S100Z: variants seen among roughly 807,000 people sequenced by gnomAD.
S100Z encodes protein S100-Z.
A neutral mutation model predicts 8.5 loss-of-function variants in S100Z; 11 were observed. That is an observed-to-expected ratio of 1.30 (90% CI 0.82 to 2.15). S100Z has a LOEUF of 2.15. S100Z is among the 30% of genes most tolerant of loss of function. The probability of loss-of-function intolerance (pLI) is 0.00; values close to 1 mark genes in which losing one functional copy is unlikely to be tolerated. For missense variants in S100Z, 126 were observed against 117.9 expected (o/e 1.07, Z -0.32); for synonymous variants, 34 against 43.8 (o/e 0.78, Z 0.89).
the S100Z span, among the ~76,000 whole-genome samples, chr5:76,949,127 G>A: frequency 4.6e-5 from 7 of 152,158 alleles, no homozygotes; most frequent in Non-Finnish European, 8.8e-5. Flanking sequence ...AGTGGCTCAC[G>A]CCTGTAATCC....
At chr5:76,902,517 A>G (rs1744263676) in intron 4 of S100Z, among the ~76,000 whole-genome samples, 1 of 152,132 alleles carries the variant, frequency 6.6e-6, no homozygotes. Context: ...AGCTATTTAG[A>G]ACTGTTTTAT....
At chr5:76,871,684 G>A (rs1468506702) in intron 2 of S100Z, among the ~76,000 whole-genome samples, 1 of 151,970 alleles carries the variant, frequency 6.6e-6, no homozygotes, top group East Asian at 1.9e-4. Flanking sequence ...CACCACACCC[G>A]GCTAATTTTT....
At chr5:76,945,441 G>A in the S100Z span, among the ~76,000 whole-genome samples, 3 of 152,192 alleles carry the variant, frequency 2.0e-5, no homozygotes, top group African/African-American at 7.2e-5. Context: ...GAAGGTCTCT[G>A]TCTCCTGCCT....
At chr5:76,872,231 C>T (rs1355208904) in intron 2 of S100Z, among the ~76,000 whole-genome samples, 1 of 151,540 alleles carries the variant, frequency 6.6e-6, no homozygotes, top group East Asian at 2.0e-4. Context: ...TGGGTGACAG[C>T]GGGAGACCCT....
the S100Z span, among the ~76,000 whole-genome samples, chr5:76,931,965 CT>C: frequency 6.6e-6 from 1 of 151,822 alleles, no homozygotes; most frequent in Non-Finnish European, 1.5e-5. Context: ...GTTATTTTAT[CT>C]TTTTTCATTG....
intron 4 of S100Z, among the ~76,000 whole-genome samples, chr5:76,898,245 G>A (rs1561243090): frequency 1.3e-5 from 2 of 152,000 alleles, no homozygotes; most frequent in East Asian, 1.9e-4. Flanking sequence ...CCACCTCCCG[G>A]GTTCAAGTGA....
chr5:76,861,702 A>G (rs142305649), intron 1 of S100Z, among the ~76,000 whole-genome samples: 47 of 152,324 alleles, frequency 3.1e-4, no homozygotes, highest in Non-Finnish European at 5.9e-5. Context: ...CTGGGAACAC[A>G]TTCTATGTGT....
At chr5:76,930,367 A>G in the S100Z span, among the ~76,000 whole-genome samples, 1 of 152,206 alleles carries the variant, frequency 6.6e-6, no homozygotes, top group African/African-American at 2.4e-5. Context: ...ACCAAAAAGA[A>G]AAACAGGTGC....
intron 1 of S100Z, among the ~76,000 whole-genome samples, chr5:76,861,561 A>AC (rs796764129): frequency 2.0e-5 from 3 of 151,774 alleles, no homozygotes; most frequent in African/African-American, 7.2e-5. Context: ...CTGGTCTCGA[A>AC]CTCCTGACCT....
intron 1 of S100Z, among the ~76,000 whole-genome samples, chr5:76,869,580 C>T (rs76209133): frequency 0.027 from 4,080 of 152,156 alleles, 176 homozygotes; most frequent in African/African-American, 0.092. Flanking sequence ...ATCAGCTTCT[C>T]TGACAGCAGA....
the S100Z span, among the ~76,000 whole-genome samples, chr5:76,928,069 A>C: frequency 1.3e-5 from 2 of 152,210 alleles, no homozygotes; most frequent in Admixed American, 1.3e-4. Flanking sequence ...AATACTTCCC[A>C]TGCCCTCACC....
At position 76,877,715 on chromosome 5, in the gene S100Z, C is replaced by G; in HGVS notation, c.183C>G (p.Asp61Glu). ...ETQLVDKIVQDLDANKDNEVD... is the reference protein window; with the variant it reads ...ETQLVDKIVQELDANKDNEVD... ...AGTTGGTTGATAAGATAGTGCAGGA[C>G]CTGGATGCCAATAAGGACAACGAAG... The change falls in exon 4 of 5, where the codon GAC (aspartate) becomes GAG (glutamate). Residue 61 changes from aspartate to glutamate, a missense_variant. Transcript: ENST00000317593. 2 of 1,612,006 alleles carry G rather than the reference C, an allele frequency of 1.2e-6. No individual in the cohort carries two copies. Among genetic ancestry groups the G allele is most frequent in the Non-Finnish European group, 1.7e-6 (2 of 1,178,174 alleles).
chr5:76,943,964 G>A, the S100Z span, among the ~76,000 whole-genome samples: 4 of 151,906 alleles, frequency 2.6e-5, no homozygotes, highest in Non-Finnish European at 4.4e-5. Context: ...ATTAATTTTT[G>A]TTTTATAACA....
chr5:76,858,522 C>CAA (rs33932900), intron 1 of S100Z, among the ~76,000 whole-genome samples: 1 of 131,680 alleles, frequency 7.6e-6, no homozygotes, highest in Non-Finnish European at 1.7e-5. Context: ...GACCCTGTCT[C>CAA]AAAAAAAAAA....
chr5:76,920,521 T>C (rs1444195860), intron 4 of S100Z, among the ~76,000 whole-genome samples, 196 bp from the exon 5 acceptor site: 1 of 152,244 alleles, frequency 6.6e-6, no homozygotes, highest in Admixed American at 6.5e-5. Context: ...CCTGCCCACC[T>C]TCCACAAGAA....
the S100Z span, among the ~76,000 whole-genome samples, chr5:76,939,795 G>C: frequency 6.6e-6 from 1 of 152,050 alleles, no homozygotes; most frequent in Middle Eastern, 3.4e-3. Context: ...TTACAGGTGC[G>C]AGCCGCCACG....
intron 4 of S100Z, among the ~76,000 whole-genome samples, chr5:76,913,742 C>T (rs144020255): frequency 2.0e-5 from 3 of 152,342 alleles, no homozygotes; most frequent in Admixed American, 6.5e-5. Context: ...ACCGCAGAGG[C>T]GTAGACCTCC....
At chr5:76,874,243 A>G (rs1320233450) in intron 2 of S100Z, among the ~76,000 whole-genome samples, 1 of 144,334 alleles carries the variant, frequency 6.9e-6, no homozygotes. Context: ...TTAATCTACT[A>G]TGAATTTACT....
chr5:76,884,634 A>G (rs545203523), intron 4 of S100Z, among the ~76,000 whole-genome samples: 103 of 152,210 alleles, frequency 6.8e-4, no homozygotes, highest in Non-Finnish European at 1.3e-3. Context: ...AACGTTGACT[A>G]TGCCTTCAGC....
Sources: allele counts gnomAD v4.1 joint callset (sites outside exome capture counted in the v4.1 genomes callset), GRCh38; gene constraint gnomAD v4.1.1; transcripts MANE v1.5; gene names NCBI Gene and HGNC (gene_info 2026-07-23, HGNC 2026-07-21).